The following SCFD1 variants were observed in gnomAD, a reference collection of about 807,000 sequenced individuals.
SCFD1 encodes sec1 family domain-containing protein 1.
SCFD1 carries 37 observed loss-of-function variants against 103.2 expected under a neutral mutation model. The ratio of observed to expected loss-of-function variants is 0.36; its 90% CI spans 0.28 to 0.47. The LOEUF is 0.47. Ranked by LOEUF, SCFD1 falls within the 20% of genes least tolerant of loss-of-function variation. The probability of loss-of-function intolerance (pLI) is 1.00; values close to 1 mark genes in which losing one functional copy is unlikely to be tolerated. For synonymous variants in SCFD1, 264 were observed against 245.0 expected, an observed-to-expected ratio of 1.08 and a Z score of -0.73; for missense variants, 639 against 761.2, an observed-to-expected ratio of 0.84 and a Z score of 1.89.
chr14:30,722,403 G>A, intron 22 of SCFD1, 91 bp from the exon 23 acceptor site: 7 of 864,016 alleles, frequency 8.1e-6, no homozygotes, highest in Non-Finnish European at 1.3e-5. Context: ...CTTAGAATAT[G>A]ACTTTTGGCT....
At chr14:30,667,631 T>C (rs1248050112) in intron 10 of SCFD1, among the ~76,000 whole-genome samples, 1 of 152,192 alleles carries the variant, frequency 6.6e-6, no homozygotes, top group Non-Finnish European at 1.5e-5. Flanking sequence ...TGTTGGTAGA[T>C]GACATGATTG....
At chr14:30,650,237 C>G (rs1055387788) in intron 8 of SCFD1, among the ~76,000 whole-genome samples, 3 of 151,230 alleles carry the variant, frequency 2.0e-5, no homozygotes, top group Non-Finnish European at 4.4e-5. Context: ...CATATAGACA[C>G]CTTCCTTGAT....
chr14:30,658,921 T>C (rs943869773), intron 10 of SCFD1, among the ~76,000 whole-genome samples: 1 of 152,188 alleles, frequency 6.6e-6, no homozygotes, highest in Non-Finnish European at 1.5e-5. Context: ...GTCAAAAGTG[T>C]AATGTAAACT....
chr14:30,730,954 G>T (rs201577683), intron 23 of SCFD1, among the ~76,000 whole-genome samples: 5,709 of 152,078 alleles, frequency 0.038, 166 homozygotes, highest in East Asian at 0.16. Flanking sequence ...GTATTGCCTA[G>T]GTTTTCTTCT....
chr14:30,684,300 A>AGT (rs1200187594), intron 14 of SCFD1, among the ~76,000 whole-genome samples: 4 of 152,188 alleles, frequency 2.6e-5, no homozygotes, highest in African/African-American at 9.7e-5. Flanking sequence ...TGCATGCCAC[A>AGT]GTGTCCAACT....
chr14:30,677,005 T>C (rs1006187421), intron 14 of SCFD1, among the ~76,000 whole-genome samples: 6 of 152,180 alleles, frequency 3.9e-5, no homozygotes, highest in African/African-American at 1.4e-4. Context: ...TATGCTACCA[T>C]GCCCAACCTA....
chr14:30,690,462 G>C (rs909897066), intron 14 of SCFD1, among the ~76,000 whole-genome samples: 1 of 105,758 alleles, frequency 9.5e-6, no homozygotes, highest in African/African-American at 5.5e-5. Context: ...CAATCAGCGA[G>C]ATTCCGTGGG....
intron 18 of SCFD1, among the ~76,000 whole-genome samples, chr14:30,706,423 A>AT (rs1341348348): frequency 6.6e-6 from 1 of 151,046 alleles, no homozygotes; most frequent in Non-Finnish European, 1.5e-5. Flanking sequence ...ACTTTTCTTT[A>AT]TTTTCCAAAT....
At chr14:30,636,030 A>C (rs1231650829) in intron 4 of SCFD1, among the ~76,000 whole-genome samples, 1 of 152,076 alleles carries the variant, frequency 6.6e-6, no homozygotes, top group Non-Finnish European at 1.5e-5. Flanking sequence ...TAACATGCTT[A>C]TTGGCCATTT....
chr14:30,647,961 T>C (rs192442258), intron 7 of SCFD1, among the ~76,000 whole-genome samples: 21 of 152,310 alleles, frequency 1.4e-4, no homozygotes, highest in African/African-American at 4.8e-4. Flanking sequence ...AGTGATTTAT[T>C]TTTCAAAGGA....
chr14:30,733,010 CTTTTTTTTTTT>C (rs544945622), intron 23 of SCFD1, among the ~76,000 whole-genome samples: 1 of 141,804 alleles, frequency 7.1e-6, no homozygotes, highest in Non-Finnish European at 1.5e-5. Context: ...ATTTTTTTTT[CTTTTTTTTTTT>C]TTGAGACAGA....
intron 10 of SCFD1, among the ~76,000 whole-genome samples, chr14:30,661,633 A>G (rs1470128229): frequency 6.6e-6 from 1 of 152,142 alleles, no homozygotes; most frequent in Non-Finnish European, 1.5e-5. Context: ...TCTCCGTAAG[A>G]AATAGAATTA....
In SCFD1 at chr14:30,693,621, T is replaced by C. The variant is rs200161150; in HGVS notation, c.1243-1152T>C. On this transcript the variant is annotated intron_variant, in intron 14 of 24. Coordinates refer to ENST00000458591, the MANE Select transcript of SCFD1 (RefSeq NM_016106.4). ...CCCTAAATCACTTTCAAACTTCAACTCAAAATATATCACTTCCTCCTCAAT... is the reference window on the plus strand; with the variant it reads ...CCCTAAATCACTTTCAAACTTCAACCCAAAATATATCACTTCCTCCTCAAT... Among the ~76,000 whole-genome samples, 13 of 152,316 alleles carry C rather than the reference T, an allele frequency of 8.5e-5. No individual in the cohort carries two copies. In the East Asian group the frequency reaches 1.5e-3, roughly 18 times the overall value.
intron 23 of SCFD1, among the ~76,000 whole-genome samples, chr14:30,724,156 A>G (rs1892857601): frequency 6.8e-6 from 1 of 146,860 alleles, no homozygotes; most frequent in African/African-American, 2.5e-5. Context: ...TCTAATGATC[A>G]GTGATGTTGA....
chr14:30,719,458 T>A, intron 21 of SCFD1, 81 bp downstream of exon 21: 1 of 951,874 alleles, frequency 1.1e-6, no homozygotes, highest in East Asian at 2.5e-5. Context: ...ATAGTACTGC[T>A]TATTAAAAAT....
At chr14:30,719,438 T>C in intron 21 of SCFD1, 61 bp downstream of exon 21, 2 of 1,243,668 alleles carry the variant, frequency 1.6e-6, no homozygotes, top group Non-Finnish European at 1.2e-6. Flanking sequence ...GGAAATAATT[T>C]TTTTATTATA....
intron 6 of SCFD1, among the ~76,000 whole-genome samples, chr14:30,642,905 C>T (rs904404239): frequency 1.3e-5 from 2 of 152,140 alleles, no homozygotes; most frequent in African/African-American, 4.8e-5. Context: ...GGTGTGGTGG[C>T]TCATGCCTAT....
intron 18 of SCFD1, chr14:30,707,715 A>C (rs1349001824): frequency 2.4e-6 from 1 of 416,798 alleles, no homozygotes; most frequent in Non-Finnish European, 4.5e-6. Flanking sequence ...TAGGAAATTA[A>C]GATGTTTATT....
chr14:30,668,745 T>C lies in SCFD1; in HGVS notation c.856-1511T>C, dbSNP rs1255280173. Among the ~76,000 whole-genome samples, 4 of 152,120 alleles carry C rather than the reference T, an allele frequency of 2.6e-5. No homozygotes were observed. The East Asian group carries it at 7.7e-4, about 29-fold the overall frequency. Reference sequence around the variant, plus strand: ...CCCATCAAAAAGTGAGCGAAGGATATGAACAGACACTTTTCAAAAGAAGAC... The same window carrying C: ...CCCATCAAAAAGTGAGCGAAGGATACGAACAGACACTTTTCAAAAGAAGAC... On this transcript the variant is annotated intron_variant, in intron 10 of 24. Transcript: ENST00000458591.
Sources: gnomAD v4.1 joint callset for allele counts (sites outside exome capture counted in the v4.1 genomes callset) on GRCh38, gnomAD v4.1.1 for gene constraint, MANE v1.5 for transcripts, NCBI Gene and HGNC (gene_info 2026-07-23, HGNC 2026-07-21) for gene names.